Variants in GTF2IRD2B observed in about 807,000 individuals in gnomAD.
GTF2IRD2B encodes the protein GTF2I repeat domain containing 2B, also known as general transcription factor II-I repeat domain-containing protein 2B.
A neutral mutation model predicts 55.6 loss-of-function variants in GTF2IRD2B; 10 were observed. That is an observed-to-expected ratio of 0.18 (90% CI 0.11 to 0.31). The LOEUF is 0.31. GTF2IRD2B is among the 10% of genes least tolerant of loss of function. GTF2IRD2B has a pLI of 1.00. For synonymous variants in GTF2IRD2B, 107 were observed against 320.5 expected (o/e 0.33, Z 7.12); for missense variants, 206 against 802.7 (o/e 0.26, Z 8.98).
intron 3 of GTF2IRD2B, among the ~76,000 whole-genome samples, chr7:75,115,434 T>A (rs28876714): frequency 0.13 from 18,758 of 143,372 alleles, 2,727 homozygotes; most frequent in African/African-American, 0.37. Context: ...TTTTATTTTT[T>A]TTTTTTTGAG....
intron 1 of GTF2IRD2B, among the ~76,000 whole-genome samples, chr7:75,101,707 A>G (rs1283122530): frequency 1.3e-5 from 2 of 150,450 alleles, no homozygotes; most frequent in Non-Finnish European, 3.0e-5. Flanking sequence ...AGCCTGGGCA[A>G]CATGGCAAAA....
At chr7:75,117,277 A>G (rs1808191960) in intron 3 of GTF2IRD2B, among the ~76,000 whole-genome samples, 1 of 151,828 alleles carries the variant, frequency 6.6e-6, no homozygotes, top group East Asian at 1.9e-4. Context: ...AGGCGGGCAG[A>G]TCACTTGAGG....
intron 4 of GTF2IRD2B, among the ~76,000 whole-genome samples, chr7:75,121,846 C>T (rs1339105627): frequency 3.1e-4 from 41 of 132,284 alleles, no homozygotes; most frequent in African/African-American, 1.1e-3. Flanking sequence ...CTGCAAGCTC[C>T]GCCTCTCGGG....
intron 1 of GTF2IRD2B, among the ~76,000 whole-genome samples, chr7:75,106,216 A>G (rs1168658409): frequency 6.6e-6 from 1 of 152,310 alleles, no homozygotes; most frequent in Non-Finnish European, 1.5e-5. Flanking sequence ...CAGCCTGACC[A>G]ATATGATGAA....
At chr7:75,117,871 C>A (rs1808222107) in intron 3 of GTF2IRD2B, among the ~76,000 whole-genome samples, 1 of 152,364 alleles carries the variant, frequency 6.6e-6, no homozygotes, top group East Asian at 1.9e-4. Flanking sequence ...TCACCTGAGG[C>A]CAGGAGTTTG....
At chr7:75,105,902 G>A (rs1370716982) in intron 1 of GTF2IRD2B, among the ~76,000 whole-genome samples, 2 of 152,304 alleles carry the variant, frequency 1.3e-5, no homozygotes, top group Admixed American at 6.5e-5. Flanking sequence ...GGCTGCTGTG[G>A]TGGTTCCATA....
Position 75,123,118 on chromosome 7 carries a change from G to A in GTF2IRD2B, c.359-18G>A, listed in dbSNP as rs782243094. Reference sequence around the variant, plus strand: ...CGTTAGGTTCACACCATCCAAAGACGTTTGCGTCTTCTTGTAGGTAAAGCC... The same window carrying A: ...CGTTAGGTTCACACCATCCAAAGACATTTGCGTCTTCTTGTAGGTAAAGCC... On this transcript the variant is annotated intron_variant, in intron 4 of 15. Transcript: ENST00000472837. 3.2e-5 allele frequency: 50 copies of A among 1,544,060 alleles called. No individual in the cohort carries two copies. Among genetic ancestry groups the A allele is most frequent in the Middle Eastern group, 2.4e-4 (1 of 4,162 alleles).
intron 3 of GTF2IRD2B, among the ~76,000 whole-genome samples, chr7:75,117,237 C>T (rs587760667): frequency 2.0e-5 from 3 of 151,782 alleles, no homozygotes; most frequent in Admixed American, 1.3e-4. Context: ...GGGCCAGGCA[C>T]GCCTGTAATC....
At chr7:75,104,977 C>G (rs1394141419) in intron 1 of GTF2IRD2B, among the ~76,000 whole-genome samples, 4 of 152,290 alleles carry the variant, frequency 2.6e-5, no homozygotes, top group African/African-American at 9.6e-5. Flanking sequence ...GCAGGAAGAT[C>G]GCTTGAGCCC....
chr7:75,105,055 G>A (rs1807735864), intron 1 of GTF2IRD2B, among the ~76,000 whole-genome samples: 1 of 152,268 alleles, frequency 6.6e-6, no homozygotes, highest in South Asian at 2.1e-4. Flanking sequence ...AAGTTAGCCA[G>A]GTGTGGTGGC....
At chr7:75,115,942 CAG>C (rs1554451291) in intron 3 of GTF2IRD2B, among the ~76,000 whole-genome samples, 1 of 123,540 alleles carries the variant, frequency 8.1e-6, no homozygotes, top group Admixed American at 8.9e-5. Context: ...TTTTGAGAGA[CAG>C]AGTCTTGCTC....
chr7:75,149,403 T>C lies in GTF2IRD2B; in HGVS notation c.*106T>C. On this transcript the variant is annotated 3_prime_UTR_variant, in exon 16 of 16. Coordinates refer to ENST00000472837, the MANE Select transcript of GTF2IRD2B (RefSeq NM_001003795.3). Reference sequence around the variant, plus strand: ...TGAATTTTTTTTTTCTTTTTTGAGATGGAGTCTTGCTCTGTCGCCCAGGTT... The same window carrying C: ...TGAATTTTTTTTTTCTTTTTTGAGACGGAGTCTTGCTCTGTCGCCCAGGTT... The C allele has an allele frequency of 3.9e-6, 3 of 772,038 alleles. No homozygotes were observed. The highest frequency in any genetic ancestry group is 2.4e-5 in the East Asian group (1 of 41,184). 47.8% of individuals were successfully genotyped at this position (772,038 alleles called of 1,614,324 possible).
At chr7:75,123,751 G>C (rs1351260356) in intron 6 of GTF2IRD2B, 2 of 663,118 alleles carry the variant, frequency 3.0e-6, no homozygotes, top group Non-Finnish European at 5.1e-6. Flanking sequence ...GGTGGCGGGC[G>C]CCTGTAGTCC....
At chr7:75,095,297 A>AT (rs1248354830) in intron 1 of GTF2IRD2B, among the ~76,000 whole-genome samples, 4 of 22,944 alleles carry the variant, frequency 1.7e-4, no homozygotes, top group Admixed American at 1.1e-3. Context: ...CTTTGCCTTT[A>AT]TTTTTTTTTT....
intron 3 of GTF2IRD2B, among the ~76,000 whole-genome samples, chr7:75,116,627 A>T (rs1584533553): frequency 1.6e-5 from 2 of 127,182 alleles, no homozygotes; most frequent in Non-Finnish European, 1.7e-5. Context: ...GAGAGAGGGC[A>T]TCTTTGCCAT....
intron 2 of GTF2IRD2B, among the ~76,000 whole-genome samples, chr7:75,110,726 A>G (rs1321764254): frequency 5.5e-5 from 3 of 54,768 alleles, no homozygotes; most frequent in African/African-American, 1.2e-4. Context: ...CCAAGGCCAG[A>G]GGATCACTTG....
At chr7:75,120,795 T>C (rs1808336214) in intron 3 of GTF2IRD2B, 96 bp from the exon 4 acceptor site, 2 of 1,563,678 alleles carry the variant, frequency 1.3e-6, no homozygotes, top group Non-Finnish European at 8.6e-7. Flanking sequence ...ATTTATTCAC[T>C]TTTTTCCCTT....
rs1252393906 is a variant in GTF2IRD2B at position 75,092,661 on chromosome 7, G to C, written c.-110G>C. On this transcript the variant is annotated 5_prime_UTR_variant, in exon 1 of 16. Transcript: ENST00000472837. Reference sequence around the variant, plus strand: ...CACCCACACGCCCCGAAGCGTGCTCGTCCCCCGCGCGGGGCTCCCGGCCGC... The same window carrying C: ...CACCCACACGCCCCGAAGCGTGCTCCTCCCCCGCGCGGGGCTCCCGGCCGC... The C allele has an allele frequency of 5.9e-5, 9 of 153,528 alleles. No individual in the cohort carries two copies. Among genetic ancestry groups the C allele is most frequent in the Non-Finnish European group, 1.5e-5 (1 of 68,432 alleles). 9.5% of individuals were successfully genotyped at this position (153,528 alleles called of 1,614,324 possible).
chr7:75,104,037 G>A (rs1807676389), intron 1 of GTF2IRD2B, among the ~76,000 whole-genome samples: 1 of 150,942 alleles, frequency 6.6e-6, no homozygotes, highest in African/African-American at 2.4e-5. Context: ...CTGGGCGACA[G>A]AGCGAGACTC....
Sources: allele counts gnomAD v4.1 joint callset (sites outside exome capture counted in the v4.1 genomes callset), GRCh38; gene constraint gnomAD v4.1.1; transcripts MANE v1.5; gene names NCBI Gene and HGNC (gene_info 2026-07-23, HGNC 2026-07-21).